The following CCR8 variants were observed in gnomAD, a reference collection of about 807,000 sequenced individuals.
The protein encoded by CCR8 is C-C motif chemokine receptor 8.
For missense variants in CCR8, 358 were observed against 417.5 expected, an observed-to-expected ratio of 0.86 and a Z score of 1.24; for synonymous variants, 156 against 165.7, an observed-to-expected ratio of 0.94 and a Z score of 0.45.
chr3:39,332,253 C>T, intron 1 of CCR8, 65 bp from the exon 2 acceptor site: 1 of 960,754 alleles, frequency 1.0e-6, no homozygotes, highest in East Asian at 2.4e-5. Context: ...ATAACATCCC[C>T]CTAATTTTTA....
Position 39,333,446 on chromosome 3 carries a change from C to T in CCR8, c.*47C>T. ...AAAAAACATTTTCTTGAATGGCATG[C>T]TAGTAGCAGTGAGCAAAGGTGTGGG... On this transcript the variant is annotated 3_prime_UTR_variant, in exon 2 of 2. Transcript: ENST00000326306. 1 of 1,454,680 alleles carries T rather than the reference C, an allele frequency of 6.9e-7. No individual in the cohort carries two copies. Among genetic ancestry groups the T allele is most frequent in the Non-Finnish European group, 9.4e-7 (1 of 1,065,402 alleles). 90.1% of individuals were successfully genotyped at this position (1,454,680 alleles called of 1,614,324 possible).
chr3:39,332,262 T>TA, intron 1 of CCR8, 56 bp from the exon 2 acceptor site: 1 of 1,089,764 alleles, frequency 9.2e-7, no homozygotes, highest in East Asian at 2.4e-5. Context: ...CCCTAATTTT[T>TA]AAAAAATAAA....
chr3:39,332,976 G>C lies in CCR8; in HGVS notation c.645G>C (p.Met215Ile). ...LGLLIPFTIF[M>I]FCYIKILHQL... ...TGTTGATCCCATTCACCATCTTTAT[G>C]TTCTGCTACATTAAAATCCTGCACC... The change falls in exon 2 of 2, where the codon ATG becomes ATC. Residue 215 changes from methionine to isoleucine, a missense_variant. Physicochemically the swap from Met to Ile is conservative, Grantham distance 10. Transcript: ENST00000326306. 1 of 1,614,130 alleles carries C rather than the reference G, an allele frequency of 6.2e-7. No homozygotes were observed.
chr3:39,332,878 T>C lies in CCR8; in HGVS notation c.547T>C (p.Cys183Arg), dbSNP rs769295252. The change falls in exon 2 of 2, where the codon TGT becomes CGT. Residue 183 changes from cysteine (C) to arginine (R), a missense_variant. Cys to Arg is a radical substitution (Grantham distance 180). Transcript: ENST00000326306. ...QVASEDGVLQ[C>R]YSFYNQQTLK... is the part of the protein sequence containing the mutation. ...GGCCTCTGAAGATGGTGTTCTACAGTGTTATTCATTTTACAATCAACAGAC... is the reference window on the plus strand; with the variant it reads ...GGCCTCTGAAGATGGTGTTCTACAGCGTTATTCATTTTACAATCAACAGAC... 5.0e-6 allele frequency: 8 copies of C among 1,614,140 alleles called. No homozygotes were observed. The highest frequency in any genetic ancestry group is 1.7e-5 in the Admixed American group (1 of 60,014).
chr3:39,331,382 G>A (rs189561501), intron 1 of CCR8, among the ~76,000 whole-genome samples: 43 of 152,284 alleles, frequency 2.8e-4, no homozygotes, highest in Non-Finnish European at 4.7e-4. Context: ...CCATGCACAA[G>A]GGGAGCAAAA....
rs752372384 is a variant in CCR8 at position 39,332,466 on chromosome 3, G to A, written c.135G>A (p.Leu45=). Residue 45 remains leucine, a synonymous_variant, in exon 2 of 2, where the codon CTG becomes CTA. Transcript: ENST00000326306. ...TCCTTGCTGTCTTTTATTGCCTCCT[G>A]TTTGTATTCAGTCTTCTGGGAAACA... ...KLLLAVFYCL[L]FVFSLLGNSL... 6.2e-7 allele frequency: 1 copy of A among 1,614,098 alleles called. No individual in the cohort carries two copies. Among genetic ancestry groups the A allele is most frequent in the Admixed American group, 1.7e-5 (1 of 60,004 alleles).
chr3:39,333,213 T>C lies in CCR8; in HGVS notation c.882T>C (p.Cys294=), dbSNP rs2041271103. 1.9e-6 allele frequency: 3 copies of C among 1,614,002 alleles called. No individual in the cohort carries two copies. The highest frequency in any genetic ancestry group is 2.5e-6 in the Non-Finnish European group (3 of 1,180,014). Residue 294 remains cysteine, a synonymous_variant, in exon 2 of 2, where the codon TGT becomes TGC. Transcript: ENST00000326306. ...VTEIISFTHC[C]VNPVIYAFVG... ...AAATCATTTCCTTTACTCACTGCTG[T>C]GTGAACCCTGTTATCTATGCTTTTG...
Position 39,332,515 on chromosome 3 carries a change from G to A in CCR8, c.184G>A (p.Val62Ile). The A allele has an allele frequency of 1.2e-6, 2 of 1,614,126 alleles. No individual in the cohort carries two copies. The highest frequency in any genetic ancestry group is 1.7e-6 in the Non-Finnish European group (2 of 1,180,016). ...CAGCCTGGTCATCCTGGTCCTTGTGGTCTGCAAGAAGCTGAGGAGCATCAC... is the reference window on the plus strand; with the variant it reads ...CAGCCTGGTCATCCTGGTCCTTGTGATCTGCAAGAAGCTGAGGAGCATCAC... ...GNSLVILVLV[V>I]CKKLRSITDV... The change falls in exon 2 of 2, where the codon GTC becomes ATC. Residue 62 changes from valine to isoleucine, a missense_variant. Transcript: ENST00000326306.
At chr3:39,331,322 C>T (rs551816914) in intron 1 of CCR8, among the ~76,000 whole-genome samples, 2 of 152,206 alleles carry the variant, frequency 1.3e-5, no homozygotes, top group Non-Finnish European at 2.9e-5. Flanking sequence ...GCTTCTCTAC[C>T]TGGCTTGCTG....
chr3:39,332,460 C>T lies in CCR8; in HGVS notation c.129C>T (p.Cys43=), dbSNP rs2041263998. The part of the protein sequence containing the change: ...NGKLLLAVFY[C]LLFVFSLLGN... ...AGTTGCTCCTTGCTGTCTTTTATTG[C>T]CTCCTGTTTGTATTCAGTCTTCTGG... The change falls in exon 2 of 2, where the codon TGC becomes TGT. Residue 43 remains cysteine (C), a synonymous_variant. Coordinates refer to ENST00000326306, the MANE Select transcript of CCR8 (RefSeq NM_005201.4). 1 of 1,613,936 alleles carries T rather than the reference C, an allele frequency of 6.2e-7. No homozygotes were observed. Among genetic ancestry groups the T allele is most frequent in the African/African-American group, 1.3e-5 (1 of 74,868 alleles).
Position 39,333,235 on chromosome 3 carries a change from T to A in CCR8, c.904T>A (p.Phe302Ile). The A allele has an allele frequency of 6.2e-7, 1 of 1,614,036 alleles. No individual in the cohort carries two copies. ...CTGTGTGAACCCTGTTATCTATGCT[T>A]TTGTTGGGGAGAAGTTCAAGAAACA... The part of the protein sequence containing the change: ...HCCVNPVIYA[F>I]VGEKFKKHLS... The change falls in exon 2 of 2, where the codon TTT becomes ATT. Residue 302 changes from phenylalanine (F) to isoleucine (I), a missense_variant. Phe to Ile is a conservative substitution (Grantham distance 21). Transcript: ENST00000326306.
At chr3:39,330,894 G>A (rs989021392) in intron 1 of CCR8, among the ~76,000 whole-genome samples, 11 of 152,082 alleles carry the variant, frequency 7.2e-5, no homozygotes, top group African/African-American at 2.7e-4. Flanking sequence ...TGTTTGGAAT[G>A]ATACATACCA....
At chr3:39,330,692 G>A (rs986994604) in intron 1 of CCR8, among the ~76,000 whole-genome samples, 2 of 151,664 alleles carry the variant, frequency 1.3e-5, no homozygotes, top group Non-Finnish European at 2.9e-5. Flanking sequence ...CTGGTGCTTA[G>A]GAAAGCAATT....
Position 39,333,392 on chromosome 3 carries a change from T to G in CCR8, c.1061T>G (p.Ile354Ser), listed in dbSNP as rs1378114077. The change falls in exon 2 of 2, where the codon ATT (isoleucine) becomes AGT (serine). Residue 354 changes from isoleucine (I) to serine (S), a missense_variant. By Grantham distance (142) the Ile-to-Ser change is moderately radical (BLOSUM62 -2). Coordinates refer to ENST00000326306, the MANE Select transcript of CCR8 (RefSeq NM_005201.4). The part of the protein sequence containing the change: ...HSSRSSSVDY[I>S]L ...TCCCGTTCCTCCAGCGTAGACTACA[T>G]TTTGTGAGGATCAATGAAGACTAAA... 6.2e-7 allele frequency: 1 copy of G among 1,608,092 alleles called. No individual in the cohort carries two copies. Among genetic ancestry groups the G allele is most frequent in the South Asian group, 1.1e-5 (1 of 90,382 alleles).
At chr3:39,330,018 C>G (rs1264752451) in intron 1 of CCR8, among the ~76,000 whole-genome samples, 189 bp downstream of exon 1, 1 of 152,166 alleles carries the variant, frequency 6.6e-6, no homozygotes, top group Non-Finnish European at 1.5e-5. Flanking sequence ...TGCCCATGCT[C>G]TGGCTGAGGA....
chr3:39,333,464 G>A lies in CCR8; in HGVS notation c.*65G>A. On this transcript the variant is annotated 3_prime_UTR_variant, in exon 2 of 2. Transcript: ENST00000326306. The stretch of plus-strand genomic sequence containing the variant: ...TGGCATGCTAGTAGCAGTGAGCAAA[G>A]GTGTGGGTGTGAAAGGTTTCCAAAA... 2 of 1,307,652 alleles carry A rather than the reference G, an allele frequency of 1.5e-6. No homozygotes were observed. Among genetic ancestry groups the A allele is most frequent in the African/African-American group, 1.5e-5 (1 of 67,302 alleles). The allele number at this position is 1,307,652 out of a possible 1,614,324, so 81.0% of individuals were successfully genotyped here.
chr3:39,332,223 G>A, intron 1 of CCR8, 95 bp from the exon 2 acceptor site: 1 of 710,980 alleles, frequency 1.4e-6, no homozygotes, highest in Non-Finnish European at 2.3e-6. Context: ...CATGAATTTG[G>A]GGAGGACACA....
chr3:39,332,283 A>G (rs772165553), intron 1 of CCR8, 35 bp from the exon 2 acceptor site: 3 of 1,219,262 alleles, frequency 2.5e-6, no homozygotes, highest in Non-Finnish European at 3.6e-6. Flanking sequence ...AATGTTTTTA[A>G]GGAGTGAATG....
At position 39,332,410 on chromosome 3, in the gene CCR8, G is replaced by A. The variant is rs2041263644; in HGVS notation, c.79G>A (p.Ala27Thr). The A allele has an allele frequency of 1.2e-6, 2 of 1,614,108 alleles. No individual in the cohort carries two copies. The highest frequency in any genetic ancestry group is 1.7e-6 in the Non-Finnish European group (2 of 1,179,992). ...TGATATCTTCTCAAGCCCCTGTGAT[G>A]CGGAACTTATTCAGACAAATGGCAA... is the stretch of plus-strand genomic sequence containing the variant. ...YPDIFSSPCD[A>T]ELIQTNGKLL... Residue 27 changes from alanine to threonine, a missense_variant, in exon 2 of 2, where the codon GCG becomes ACG. Physicochemically the swap from Ala to Thr is moderately conservative, Grantham distance 58. Transcript: ENST00000326306.
Sources: gnomAD v4.1 joint callset for allele counts (sites outside exome capture counted in the v4.1 genomes callset) on GRCh38, gnomAD v4.1.1 for gene constraint, MANE v1.5 for transcripts, NCBI Gene and HGNC (gene_info 2026-07-23, HGNC 2026-07-21) for gene names.